The following ZFHX3 variants were observed in gnomAD, a reference collection of about 807,000 sequenced individuals.
ZFHX3 encodes zinc finger homeobox 3.
Under a neutral mutation model 279.1 loss-of-function variants are expected in ZFHX3, and 42 were observed. The ratio of observed to expected loss-of-function variants is 0.15; its 90% confidence interval spans 0.12 to 0.19. The LOEUF is 0.19. ZFHX3 is among the 10% of genes least tolerant of loss of function. ZFHX3 has a pLI of 1.00. For missense variants in ZFHX3, 4,981 were observed against 4,754.0 expected, an observed-to-expected ratio of 1.05 and a Z score of -1.40; for synonymous variants, 2,293 against 1,957.8, an observed-to-expected ratio of 1.17 and a Z score of -4.52.
At chr16:73,335,825 C>T (rs2143242341) in intron 3 of ZFHX3, among the ~76,000 whole-genome samples, 1 of 152,306 alleles carries the variant, frequency 6.6e-6, no homozygotes, top group African/African-American at 2.4e-5. Context: ...AACTGCATTT[C>T]ATTCTTGCCT....
At chr16:72,961,759 A>G (rs767463351) in intron 1 of ZFHX3, among the ~76,000 whole-genome samples, 4 of 152,200 alleles carry the variant, frequency 2.6e-5, no homozygotes, top group Admixed American at 1.3e-4. Flanking sequence ...TAAAGCTATG[A>G]TGTGTCTAAT....
chr16:73,800,412 T>C (rs920527729), intron 1 of ZFHX3, among the ~76,000 whole-genome samples: 2 of 152,164 alleles, frequency 1.3e-5, no homozygotes, highest in Non-Finnish European at 2.9e-5. Flanking sequence ...AGACGGGGTT[T>C]CACCATATTG....
intron 1 of ZFHX3, among the ~76,000 whole-genome samples, chr16:73,022,581 C>T (rs950724304): frequency 6.6e-6 from 1 of 152,110 alleles, no homozygotes; most frequent in Non-Finnish European, 1.5e-5. Flanking sequence ...AAGAATGTCT[C>T]CAGACTGCCA....
At chr16:73,307,217 T>C (rs1224688362) in intron 4 of ZFHX3, among the ~76,000 whole-genome samples, 1 of 152,218 alleles carries the variant, frequency 6.6e-6, no homozygotes, top group Admixed American at 6.5e-5. Context: ...ATCGTACACA[T>C]GATCACTCAT....
At chr16:73,405,351 TTTTC>T (rs1162722492) in intron 3 of ZFHX3, among the ~76,000 whole-genome samples, 3 of 152,186 alleles carry the variant, frequency 2.0e-5, no homozygotes, top group African/African-American at 7.2e-5. Context: ...CCTGGCTGAT[TTTTC>T]TTTTTCAGTA....
chr16:72,869,876 C>T lies in ZFHX3; in HGVS notation c.3448+19855G>A, dbSNP rs971526974. ...AGAAGGAACCACCATAACTAACTGA[C>T]CAAAGCTGATGCCCGCAATCAAGAG... is the stretch of plus-strand genomic sequence containing the variant. On this transcript the variant is annotated intron_variant, in intron 4 of 9. Coordinates refer to ENST00000268489, the MANE Select transcript of ZFHX3 (RefSeq NM_006885.4). 6.6e-5 allele frequency among the ~76,000 whole-genome samples: 10 copies of T among 152,272 alleles called. No homozygotes were observed. The South Asian group carries it at 1.9e-3, about 28-fold the overall frequency.
intron 4 of ZFHX3, among the ~76,000 whole-genome samples, chr16:72,878,326 C>T (rs984156382): frequency 6.6e-6 from 1 of 152,212 alleles, no homozygotes; most frequent in Non-Finnish European, 1.5e-5. Context: ...AGGCTACATC[C>T]TCATCACACA....
intron 1 of ZFHX3, among the ~76,000 whole-genome samples, chr16:73,888,135 C>T (rs993267051): frequency 2.6e-5 from 4 of 152,134 alleles, no homozygotes; most frequent in African/African-American, 9.7e-5. Flanking sequence ...GGAGCATCAC[C>T]GAGGCCTGGC....
intron 5 of ZFHX3, among the ~76,000 whole-genome samples, chr16:73,214,192 A>C (rs1475468661): frequency 6.6e-6 from 1 of 152,162 alleles, no homozygotes; most frequent in Admixed American, 6.5e-5. Context: ...TCAACACTCC[A>C]GCTCAAATGG....
At chr16:73,384,962 A>T (rs1464732835) in intron 3 of ZFHX3, among the ~76,000 whole-genome samples, 4 of 152,040 alleles carry the variant, frequency 2.6e-5, no homozygotes, top group African/African-American at 9.7e-5. Flanking sequence ...TTCCCATGGG[A>T]CTTTTGCGGG....
chr16:72,856,473 G>A (rs1357508907), intron 4 of ZFHX3, among the ~76,000 whole-genome samples: 1 of 152,156 alleles, frequency 6.6e-6, no homozygotes, highest in African/African-American at 2.4e-5. Flanking sequence ...TAACTAAGAG[G>A]GATACGCAGG....
At chr16:73,051,071 C>T (rs1965440731), upstream of ZFHX3, among the ~76,000 whole-genome samples, 1 of 151,632 alleles carries the variant, frequency 6.6e-6, no homozygotes, top group Non-Finnish European at 1.5e-5. Context: ...AATATGATCT[C>T]TAAGATACAG....
At chr16:73,784,760 T>A (rs545694732) in intron 1 of ZFHX3, among the ~76,000 whole-genome samples, 88 of 138,124 alleles carry the variant, frequency 6.4e-4, no homozygotes, top group South Asian at 1.1e-3. Context: ...ATTAAAAAAA[T>A]TTTTAAAAAA....
intron 5 of ZFHX3, among the ~76,000 whole-genome samples, chr16:73,168,409 G>T (rs1280504938): frequency 6.6e-6 from 1 of 152,016 alleles, no homozygotes; most frequent in African/African-American, 2.4e-5. Flanking sequence ...CTACAGGAGT[G>T]CCTGGCTAAG....
At chr16:73,427,171 G>A (rs951037321) in intron 3 of ZFHX3, among the ~76,000 whole-genome samples, 1 of 152,178 alleles carries the variant, frequency 6.6e-6, no homozygotes, top group East Asian at 1.9e-4. Context: ...ACTAAATTTT[G>A]TTGCTGGAAA....
intron 3 of ZFHX3, among the ~76,000 whole-genome samples, chr16:73,365,112 AT>A (rs2016508196): frequency 1.3e-5 from 2 of 152,258 alleles, no homozygotes; most frequent in South Asian, 4.1e-4. Context: ...GAAGAGAGGC[AT>A]TCTCCAGAGG....
chr16:73,869,281 C>G (rs138424105), intron 1 of ZFHX3, among the ~76,000 whole-genome samples: 1 of 152,154 alleles, frequency 6.6e-6, no homozygotes, highest in Non-Finnish European at 1.5e-5. Context: ...CAAACAGCCC[C>G]GACCACCCAA....
At chr16:73,211,089 C>T (rs1282633254) in intron 5 of ZFHX3, among the ~76,000 whole-genome samples, 3 of 152,170 alleles carry the variant, frequency 2.0e-5, no homozygotes, top group African/African-American at 7.2e-5. Context: ...TCAAAGTCCA[C>T]ATCAGGACAA....
chr16:73,216,884 C>T (rs903368503), intron 5 of ZFHX3, among the ~76,000 whole-genome samples: 28 of 152,272 alleles, frequency 1.8e-4, no homozygotes, highest in African/African-American at 6.0e-4. Flanking sequence ...TCCTGAACAA[C>T]GGTCTGGGTT....
Sources: gnomAD v4.1 joint callset for allele counts (sites outside exome capture counted in the v4.1 genomes callset) on GRCh38, gnomAD v4.1.1 for gene constraint, MANE v1.5 for transcripts, NCBI Gene and HGNC (gene_info 2026-07-23, HGNC 2026-07-21) for gene names.